HELLS: variants seen among roughly 807,000 people sequenced by gnomAD.
HELLS encodes helicase, lymphoid specific.
Under a neutral mutation model 120.0 loss-of-function variants are expected in HELLS, and 32 were observed. The observed-to-expected ratio is 0.27, with a 90% confidence interval of 0.20 to 0.36. The LOEUF is 0.36. Ranked by LOEUF, HELLS falls within the 10% of genes least tolerant of loss-of-function variation. HELLS has a pLI of 1.00. For missense variants in HELLS, 650 were observed against 993.4 expected, an observed-to-expected ratio of 0.65 and a Z score of 4.65; for synonymous variants, 341 against 323.4, an observed-to-expected ratio of 1.05 and a Z score of -0.58.
rs1359885281 is a variant in HELLS at position 94,598,374 on chromosome 10, G to C, written c.2422+1263G>C. Among the ~76,000 whole-genome samples, 4 of 152,084 alleles carry C rather than the reference G, an allele frequency of 2.6e-5. No homozygotes were observed. In the East Asian group the frequency reaches 7.7e-4, roughly 29 times the overall value. On this transcript the variant is annotated intron_variant, in intron 21 of 21. Transcript: ENST00000348459. ...AGGAGTGCGACTATAGCTCATTGCA[G>C]CCTAAAAGTCCTGGGCTCAAGGGAT...
At chr10:94,550,820 A>T (rs1842948231) in intron 2 of HELLS, among the ~76,000 whole-genome samples, 2 of 150,786 alleles carry the variant, frequency 1.3e-5, no homozygotes. Context: ...TGAGCCTGGG[A>T]GGCGCAGGTT....
At position 94,602,023 on chromosome 10, in the gene HELLS, G is replaced by A. The variant is rs1846059404; in HGVS notation, c.*401G>A. The A allele has an allele frequency of 6.5e-6, 1 of 153,018 alleles. No individual in the cohort carries two copies. Among genetic ancestry groups the A allele is most frequent in the Non-Finnish European group, 1.5e-5 (1 of 68,396 alleles). 9.5% of individuals were successfully genotyped at this position (153,018 alleles called of 1,614,324 possible). ...GGGAGAGATTGGGATTATGCTCTCTGTTGTTTAAGAAACTGTTTGATTTTA... is the reference window on the plus strand; with the variant it reads ...GGGAGAGATTGGGATTATGCTCTCTATTGTTTAAGAAACTGTTTGATTTTA... On this transcript the variant is annotated 3_prime_UTR_variant, in exon 22 of 22. Transcript: ENST00000348459.
intron 21 of HELLS, among the ~76,000 whole-genome samples, chr10:94,598,359 C>G (rs1010110134): frequency 6.6e-6 from 1 of 152,126 alleles, no homozygotes; most frequent in Admixed American, 6.6e-5. Flanking sequence ...AGGAGTGCGA[C>G]TATAGCTCAT....
At chr10:94,582,735 A>T (rs969486698) in intron 11 of HELLS, among the ~76,000 whole-genome samples, 4 of 152,150 alleles carry the variant, frequency 2.6e-5, no homozygotes, top group African/African-American at 9.7e-5. Context: ...AAATCAGAAA[A>T]GTGTTCCCTT....
intron 7 of HELLS, among the ~76,000 whole-genome samples, chr10:94,571,644 G>A (rs996028112): frequency 1.3e-5 from 2 of 152,084 alleles, no homozygotes; most frequent in African/African-American, 4.8e-5. Context: ...GATTCTTGAT[G>A]TATAAATGTT....
chr10:94,552,427 C>G (rs557929754), intron 2 of HELLS, among the ~76,000 whole-genome samples: 50 of 152,236 alleles, frequency 3.3e-4, no homozygotes, highest in Non-Finnish European at 6.2e-4. Flanking sequence ...TCCTTCAGAC[C>G]CCTCAGATGT....
intron 9 of HELLS, among the ~76,000 whole-genome samples, chr10:94,575,762 G>GC (rs1212199217): frequency 8.2e-6 from 1 of 122,044 alleles, no homozygotes; most frequent in East Asian, 3.1e-4. Context: ...GTTGGGGGGG[G>GC]GGTTGTGTTT....
intron 6 of HELLS, chr10:94,570,412 A>G (rs944008477): frequency 6.6e-6 from 1 of 152,146 alleles, no homozygotes; most frequent in Admixed American, 6.5e-5. Context: ...TATAATATGA[A>G]TATCTATACA....
At chr10:94,560,510 C>G (rs1212378525) in intron 4 of HELLS, among the ~76,000 whole-genome samples, 2 of 151,858 alleles carry the variant, frequency 1.3e-5, no homozygotes, top group African/African-American at 4.8e-5. Context: ...GCCTGGTCAA[C>G]ATGATGAGAC....
chr10:94,570,300 G>T (rs1463518668), intron 6 of HELLS: 1 of 151,894 alleles, frequency 6.6e-6, no homozygotes, highest in Admixed American at 6.6e-5. Flanking sequence ...TATAGATTTT[G>T]ATTTATTTCC....
exon 10 of HELLS, chr10:94,612,980 T>A (rs1292083674): frequency 6.6e-6 from 1 of 152,258 alleles, no homozygotes; most frequent in Non-Finnish European, 1.5e-5. Context: ...ATGTGCTACC[T>A]CTAATGTTCC....
chr10:94,576,840 A>G (rs1208176520), intron 10 of HELLS, 35 bp downstream of exon 10: 5 of 1,535,404 alleles, frequency 3.3e-6, no homozygotes, highest in Admixed American at 2.1e-5. Context: ...TTTGTAATAC[A>G]TAAAACATGC....
At chr10:94,594,926 GT>G in intron 19 of HELLS, 72 bp downstream of exon 19, 2 of 1,206,718 alleles carry the variant, frequency 1.7e-6, no homozygotes, top group Non-Finnish European at 1.2e-6. Flanking sequence ...TTTTTATTTT[GT>G]TTATAAAATA....
intron 9 of HELLS, among the ~76,000 whole-genome samples, chr10:94,575,485 A>T (rs1035497163): frequency 3.3e-5 from 5 of 150,792 alleles, no homozygotes; most frequent in African/African-American, 1.2e-4. Context: ...TTATATATTT[A>T]TATATATATT....
chr10:94,548,016 C>A (rs1842818776), intron 2 of HELLS, among the ~76,000 whole-genome samples: 1 of 152,186 alleles, frequency 6.6e-6, no homozygotes, highest in South Asian at 2.1e-4. Context: ...CACCTTTTCT[C>A]ATTCTTTGAA....
intron 12 of HELLS, among the ~76,000 whole-genome samples, chr10:94,585,462 G>C (rs1455725230): frequency 4.1e-5 from 6 of 146,400 alleles, no homozygotes; most frequent in Non-Finnish European, 7.5e-5. Flanking sequence ...AGTGCAGTGA[G>C]CGTCTGCCTC....
chr10:94,588,640 CA>C (rs779695516), intron 13 of HELLS, among the ~76,000 whole-genome samples: 84 of 152,266 alleles, frequency 5.5e-4, no homozygotes, highest in Non-Finnish European at 9.6e-4. Context: ...CTTGGCCTCC[CA>C]AAGTGCTGGG....
intron 18 of HELLS, 59 bp from the exon 19 acceptor site, chr10:94,594,636 G>A (rs1359774067): frequency 7.8e-6 from 10 of 1,289,276 alleles, no homozygotes; most frequent in Non-Finnish European, 3.2e-6. Flanking sequence ...TTATCCACAT[G>A]AGTTTATGTT....
At chr10:94,589,808 TC>T (rs1462043168) in intron 13 of HELLS, among the ~76,000 whole-genome samples, 1 of 149,198 alleles carries the variant, frequency 6.7e-6, no homozygotes, top group East Asian at 2.1e-4. Flanking sequence ...TGCCTCAGCC[TC>T]CCGAGTAGCT....
Sources: gnomAD v4.1 joint callset for allele counts (sites outside exome capture counted in the v4.1 genomes callset) on GRCh38, gnomAD v4.1.1 for gene constraint, MANE v1.5 for transcripts, NCBI Gene and HGNC (gene_info 2026-07-23, HGNC 2026-07-21) for gene names.